The following PERP variants were observed in gnomAD, a reference collection of about 807,000 sequenced individuals.
The protein encoded by PERP is p53 apoptosis effector related to PMP22, also known as p53 apoptosis effector related to PMP-22.
A neutral mutation model predicts 20.3 loss-of-function variants in PERP; 11 were observed. That is an observed-to-expected ratio of 0.54 (90% CI 0.34 to 0.90). PERP has a LOEUF of 0.90. Ranked by LOEUF, PERP falls within the 40% of genes least tolerant of loss-of-function variation. The pLI is 0.02. For missense variants in PERP, 224 were observed against 249.4 expected (o/e 0.90, Z 0.69); for synonymous variants, 101 against 102.0 (o/e 0.99, Z 0.06).
intron 1 of PERP, among the ~76,000 whole-genome samples, chr6:138,096,793 A>AGAGATTTTGCCACATAACCC (rs1202091695): frequency 2.6e-5 from 4 of 152,208 alleles, no homozygotes; most frequent in African/African-American, 9.6e-5. Flanking sequence ...TCGTGTGATA[A>AGAGATTTTGCCACATAACCC]GTTTGCCACA....
At chr6:138,103,784 G>A (rs1775807033) in intron 1 of PERP, among the ~76,000 whole-genome samples, 1 of 152,164 alleles carries the variant, frequency 6.6e-6, no homozygotes, top group Non-Finnish European at 1.5e-5. Flanking sequence ...CTATTAACTT[G>A]TACTTACTTT....
rs756127990 is a variant in PERP at position 138,107,295 on chromosome 6, G to T, written c.46C>A (p.Pro16Thr). The T allele has an allele frequency of 6.2e-7, 1 of 1,607,858 alleles. No individual in the cohort carries two copies. Among genetic ancestry groups the T allele is most frequent in the East Asian group, 2.2e-5 (1 of 44,778 alleles). The change falls in exon 1 of 3, where the codon CCC (proline) becomes ACC (threonine). Residue 16 changes from proline to threonine, a missense_variant. Coordinates refer to ENST00000421351, the MANE Select transcript of PERP (RefSeq NM_022121.5). This position sits in a 1 kb window ranked among gnomAD's most constrained non-coding sequence, Gnocchi z 4.8. ...GCGATGGCGCTGAGTAGGAGCAGGG[G>T]CAGGATCCAGCGGCAGCGCTCGCAG... ...LACERCRWIL[P>T]LLLLSAIAFD...
Position 138,107,278 on chromosome 6 carries a change from G to A in PERP, c.63C>T (p.Ser21=). The A allele has an allele frequency of 1.9e-6, 3 of 1,611,158 alleles. No homozygotes were observed. Among genetic ancestry groups the A allele is most frequent in the Non-Finnish European group, 2.5e-6 (3 of 1,179,572 alleles). Residue 21 remains serine (S), a synonymous_variant, in exon 1 of 3, where the codon AGC becomes AGT. Coordinates refer to ENST00000421351, the MANE Select transcript of PERP (RefSeq NM_022121.5). The surrounding 1 kb of genome is among the most constrained non-coding windows in gnomAD (Gnocchi z 4.8). Reference sequence around the variant, plus strand: ...GCGCGATGATGTCGAAGGCGATGGCGCTGAGTAGGAGCAGGGGCAGGATCC... The same window carrying A: ...GCGCGATGATGTCGAAGGCGATGGCACTGAGTAGGAGCAGGGGCAGGATCC... ...CRWILPLLLL[S]AIAFDIIALA... is the part of the protein sequence containing the mutation.
chr6:138,105,513 T>C (rs956315645), intron 1 of PERP, among the ~76,000 whole-genome samples: 2 of 152,232 alleles, frequency 1.3e-5, no homozygotes, highest in Non-Finnish European at 2.9e-5. Context: ...AAAAATGGCA[T>C]TGTGCATGTT....
intron 1 of PERP, among the ~76,000 whole-genome samples, chr6:138,106,857 T>C (rs979685486): frequency 1.3e-5 from 2 of 149,956 alleles, no homozygotes; most frequent in Non-Finnish European, 3.0e-5. Flanking sequence ...CTTTCGTACG[T>C]AACCGACAAA....
chr6:138,105,464 C>T (rs1384031970), intron 1 of PERP, among the ~76,000 whole-genome samples: 1 of 152,186 alleles, frequency 6.6e-6, no homozygotes, highest in African/African-American at 2.4e-5. Flanking sequence ...GAACACCACA[C>T]CCTAAAAAGG....
chr6:138,098,030 C>T (rs1049111669), intron 1 of PERP, among the ~76,000 whole-genome samples: 3 of 152,172 alleles, frequency 2.0e-5, no homozygotes, highest in Non-Finnish European at 4.4e-5. Flanking sequence ...GCTTCTTTCA[C>T]TGAGTATGGT....
chr6:138,107,367 G>A lies in PERP; in HGVS notation c.-27C>T. The stretch of plus-strand genomic sequence containing the variant: ...TTGACGGGCGGCGCGGGGCCGAGCG[G>A]AGCGGAGCGGAGCGGGTCGGAGGAG... On this transcript the variant is annotated 5_prime_UTR_variant, in exon 1 of 3. Coordinates refer to ENST00000421351, the MANE Select transcript of PERP (RefSeq NM_022121.5). The surrounding 1 kb of genome is among the most constrained non-coding windows in gnomAD (Gnocchi z 4.8). 6.7e-7 allele frequency: 1 copy of A among 1,491,824 alleles called. No homozygotes were observed. The allele number at this position is 1,491,824 out of a possible 1,614,324, so 92.4% of individuals were successfully genotyped here.
Position 138,092,215 on chromosome 6 carries a change from A to G in PERP, c.409T>C (p.Phe137Leu), listed in dbSNP as rs1407559373. Residue 137 changes from phenylalanine (F) to leucine (L), a missense_variant, in exon 3 of 3, where the codon TTC (phenylalanine) becomes CTC (leucine). By Grantham distance (22) the Phe-to-Leu change is conservative. Transcript: ENST00000421351. ...VIYPVKYTQT[F>L]TLHANPAVTY... is the part of the protein sequence containing the mutation. ...ACAGCAGGGTTGGCATGAAGGGTGAAGGTCTGGGTGTACTTCACGGGGTAA... is the reference window on the plus strand; with the variant it reads ...ACAGCAGGGTTGGCATGAAGGGTGAGGGTCTGGGTGTACTTCACGGGGTAA... 28 of 1,614,050 alleles carry G rather than the reference A, an allele frequency of 1.7e-5. 2 individuals are homozygous for G. In the South Asian group the frequency reaches 3.1e-4, roughly 18 times the overall value.
At chr6:138,092,299 A>T in intron 2 of PERP, 31 bp from the exon 3 acceptor site, 2 of 1,536,628 alleles carry the variant, frequency 1.3e-6, no homozygotes, top group Non-Finnish European at 1.8e-6. Flanking sequence ...CCAGGGTATG[A>T]ATGCATACAT....
chr6:138,104,470 G>C (rs1317891367), intron 1 of PERP, among the ~76,000 whole-genome samples: 1 of 152,088 alleles, frequency 6.6e-6, no homozygotes, highest in Admixed American at 6.5e-5. Context: ...TTTTTATATA[G>C]TTCTAAGGAA....
At chr6:138,101,217 A>G (rs1310803174) in intron 1 of PERP, among the ~76,000 whole-genome samples, 1 of 152,076 alleles carries the variant, frequency 6.6e-6, no homozygotes, top group East Asian at 1.9e-4. Flanking sequence ...TAAAAATACA[A>G]AAATTAACTG....
intron 2 of PERP, among the ~76,000 whole-genome samples, chr6:138,092,743 A>G (rs1215188036): frequency 6.6e-6 from 1 of 152,220 alleles, no homozygotes; most frequent in African/African-American, 2.4e-5. Flanking sequence ...ATTGATATTC[A>G]ATAACACATC....
intron 1 of PERP, among the ~76,000 whole-genome samples, chr6:138,106,915 T>C (rs78475615): frequency 1.3e-5 from 2 of 151,832 alleles, no homozygotes; most frequent in Non-Finnish European, 2.9e-5. Context: ...TTTTTTTTTT[T>C]CTGTTTCTGA....
At chr6:138,101,145 G>T (rs571262186) in intron 1 of PERP, among the ~76,000 whole-genome samples, 2 of 152,314 alleles carry the variant, frequency 1.3e-5, no homozygotes, top group South Asian at 4.1e-4. Flanking sequence ...GGCCGAGAAA[G>T]GTCACGTGAG....
Position 138,096,414 on chromosome 6 carries a change from G to T in PERP, c.295C>A (p.Leu99Ile). Residue 99 changes from leucine (L) to isoleucine (I), a missense_variant, in exon 2 of 3, where the codon CTC (leucine) becomes ATC (isoleucine). Leu to Ile is a conservative substitution (Grantham distance 5, BLOSUM62 2). Transcript: ENST00000421351. ...VICFILSFFA[L>I]CGPQMLVFLR... ...AAGACAAGCATCTGGGGTCCACAGAGGGCGAAGAAGGAGAGGATGAAACAG... is the reference window on the plus strand; with the variant it reads ...AAGACAAGCATCTGGGGTCCACAGATGGCGAAGAAGGAGAGGATGAAACAG... 6.2e-7 allele frequency: 1 copy of T among 1,614,102 alleles called. No homozygotes were observed. The highest frequency in any genetic ancestry group is 8.5e-7 in the Non-Finnish European group (1 of 1,180,010).
At position 138,092,169 on chromosome 6, in the gene PERP, G is replaced by C; in HGVS notation, c.455C>G (p.Ala152Gly). The C allele has an allele frequency of 6.2e-7, 1 of 1,614,098 alleles. No individual in the cohort carries two copies. The highest frequency in any genetic ancestry group is 8.5e-7 in the Non-Finnish European group (1 of 1,179,960). The stretch of plus-strand genomic sequence containing the variant: ...CGTGGCTGCCCACCCAAAGCCGTAG[G>C]CCCAGTTATAGATGTAAGTGACAGC... ...NPAVTYIYNW[A>G]YGFGWAATII... The change falls in exon 3 of 3, where the codon GCC becomes GGC. Residue 152 changes from alanine (A) to glycine (G), a missense_variant. Ala to Gly is a moderately conservative substitution (Grantham distance 60). Coordinates refer to ENST00000421351, the MANE Select transcript of PERP (RefSeq NM_022121.5).
intron 1 of PERP, among the ~76,000 whole-genome samples, chr6:138,098,681 C>T (rs1775733011): frequency 6.6e-6 from 1 of 152,214 alleles, no homozygotes; most frequent in Non-Finnish European, 1.5e-5. Context: ...CTCCAACTCC[C>T]ATGCACCTTC....
Position 138,107,216 on chromosome 6 carries a change from C to A in PERP, c.125G>T (p.Gly42Val), listed in dbSNP as rs78795891. Residue 42 changes from glycine to valine, a missense_variant, in exon 1 of 3, where the codon GGC (glycine) becomes GTC (valine). Transcript: ENST00000421351. The surrounding 1 kb of genome is among the most constrained non-coding windows in gnomAD (Gnocchi z 4.8). ...TTTCCACCACAGCGAGGACGTCTGGCCGTGGTCGCTAGACTGCAACCAGCC... is the reference window on the plus strand; with the variant it reads ...TTTCCACCACAGCGAGGACGTCTGGACGTGGTCGCTAGACTGCAACCAGCC... ...GRGWLQSSDH[G>V]QTSSLWWKCS... is the part of the protein sequence containing the mutation. 2,801 of 1,612,444 alleles carry A rather than the reference C, an allele frequency of 1.7e-3. 47 individuals carry two copies. In the African/African-American group the frequency reaches 0.03, roughly 17 times the overall value.
Sources: gnomAD v4.1 joint callset for allele counts (sites outside exome capture counted in the v4.1 genomes callset) on GRCh38, gnomAD v4.1.1 for gene constraint, Gnocchi (gnomAD v3.1) non-coding constraint, MANE v1.5 for transcripts, NCBI Gene and HGNC (gene_info 2026-07-23, HGNC 2026-07-21) for gene names.